SHROOM2: variants seen among roughly 807,000 people sequenced by gnomAD.
SHROOM2 encodes shroom family member 2.
In SHROOM2, 33 loss-of-function variants were observed where a neutral mutation model predicts 75.9. The ratio of observed to expected loss-of-function variants is 0.43; its 90% CI spans 0.33 to 0.58. The LOEUF (loss-of-function observed/expected upper bound fraction) is 0.58, where lower values mean the gene tolerates loss of function less well. Among genes scored for constraint, SHROOM2 ranks in the 20% least tolerant of loss-of-function variants. The pLI is 0.04. For missense variants in SHROOM2, 1,434 were observed against 1,461.2 expected, an observed-to-expected ratio of 0.98 and a Z score of 0.30; for synonymous variants, 655 against 663.6, an observed-to-expected ratio of 0.99 and a Z score of 0.20.
chrX:9,904,469 T>A (rs1163134101), intron 5 of SHROOM2, among the ~76,000 whole-genome samples: 2 of 112,028 alleles, frequency 1.8e-5, no homozygotes, highest in Non-Finnish European at 3.8e-5. Context: ...GACTTGCCTT[T>A]CCAGAAGAAT....
At chrX:9,878,834 C>T (rs2084216075) in intron 2 of SHROOM2, among the ~76,000 whole-genome samples, 1 of 108,753 alleles carries the variant, frequency 9.2e-6, no homozygotes, top group Non-Finnish European at 1.9e-5. Flanking sequence ...TGGAGGACGT[C>T]AGGTGAAACC....
Position 9,898,201 on chromosome X carries a change from C to T in SHROOM2, c.2802C>T (p.Val934=), listed in dbSNP as rs1384938317. ...STDHYKQEAS[V]ELRRQAGDPG... is the part of the protein sequence containing the mutation. ...GTTGCCCTTTGCAGGAAGCTTCTGT[C>T]GAACTGCGAAGGCAGGCAGGGGACC... Residue 934 remains valine (V), a synonymous_variant, in exon 5 of 10, where the codon GTC becomes GTT. Coordinates refer to ENST00000380913, the MANE Select transcript of SHROOM2 (RefSeq NM_001649.4). 7 of 1,182,534 alleles carry T rather than the reference C, an allele frequency of 5.9e-6. No homozygotes were observed. The highest frequency in any genetic ancestry group is 2.3e-4 in the Middle Eastern group (1 of 4,313).
intron 1 of SHROOM2, among the ~76,000 whole-genome samples, chrX:9,828,378 A>G (rs2083899140): frequency 8.9e-6 from 1 of 112,258 alleles, no homozygotes; most frequent in Non-Finnish European, 1.9e-5. Context: ...GCTTCTGATC[A>G]TAGGCTGGTG....
intron 6 of SHROOM2, among the ~76,000 whole-genome samples, chrX:9,936,724 G>C (rs945135533): frequency 8.9e-6 from 1 of 112,144 alleles, no homozygotes; most frequent in Middle Eastern, 4.6e-3. Context: ...GGACGGATGG[G>C]AATCCTGGAA....
In SHROOM2 at chrX:9,816,355, A is replaced by G. The variant is rs764206738; in HGVS notation, c.165+29645A>G. ...TGGGTGGCGCATCCCTGATGAATCAAAAGAATAGGATTGGTCATTTTGGCT... is the reference window on the plus strand; with the variant it reads ...TGGGTGGCGCATCCCTGATGAATCAGAAGAATAGGATTGGTCATTTTGGCT... On this transcript the variant is annotated intron_variant, in intron 1 of 9. Transcript: ENST00000380913. Among the ~76,000 whole-genome samples the G allele has an allele frequency of 1.2e-4, 13 of 112,509 alleles. No individual in the cohort carries two copies. The South Asian group carries it at 3.7e-3, about 32-fold the overall frequency.
intron 1 of SHROOM2, among the ~76,000 whole-genome samples, chrX:9,789,911 G>A (rs1019207529): frequency 8.9e-6 from 1 of 112,253 alleles, no homozygotes. Context: ...TTTTCGGGTT[G>A]CCATTGGGCA....
At chrX:9,930,382 G>A (rs979022861) in intron 5 of SHROOM2, among the ~76,000 whole-genome samples, 4 of 109,683 alleles carry the variant, frequency 3.6e-5, no homozygotes, top group Non-Finnish European at 5.7e-5. Flanking sequence ...GGGTGTGGTG[G>A]TGCACACCTG....
At chrX:9,792,060 A>G (rs1332809886) in intron 1 of SHROOM2, among the ~76,000 whole-genome samples, 1 of 4,085 alleles carries the variant, frequency 2.4e-4, no homozygotes, top group Admixed American at 5.1e-3. Context: ...AGAATAGAAT[A>G]GAATAGAATA....
At chrX:9,920,537 G>A (rs1245516807) in intron 5 of SHROOM2, among the ~76,000 whole-genome samples, 13 of 112,280 alleles carry the variant, frequency 1.2e-4, no homozygotes, top group Non-Finnish European at 2.4e-4. Context: ...CAACCCAGAT[G>A]CTTCTAAAAC....
intron 5 of SHROOM2, among the ~76,000 whole-genome samples, chrX:9,921,689 G>A (rs147950544): frequency 1.7e-3 from 188 of 112,062 alleles, no homozygotes; most frequent in African/African-American, 5.6e-3. Flanking sequence ...ACGTAAGTGG[G>A]ACCATGTAGC....
chrX:9,825,327 A>G (rs1569142888), intron 1 of SHROOM2, among the ~76,000 whole-genome samples: 1 of 112,268 alleles, frequency 8.9e-6, no homozygotes, highest in Non-Finnish European at 1.9e-5. Flanking sequence ...GGCCCTGTTT[A>G]CTATGTTGCT....
intron 2 of SHROOM2, among the ~76,000 whole-genome samples, chrX:9,877,205 G>C (rs2084205595): frequency 8.9e-6 from 1 of 111,939 alleles, no homozygotes; most frequent in African/African-American, 3.2e-5. Context: ...AGCGATGCGG[G>C]AGGAGACAGG....
intron 1 of SHROOM2, among the ~76,000 whole-genome samples, chrX:9,824,877 G>C (rs1044067209): frequency 1.8e-5 from 2 of 111,656 alleles, no homozygotes; most frequent in Non-Finnish European, 3.8e-5. Flanking sequence ...GGTAGGGAGA[G>C]AGGAATGTTC....
chrX:9,890,136 G>C lies in SHROOM2; in HGVS notation c.318-841G>C, dbSNP rs141941759. Among the ~76,000 whole-genome samples the C allele has an allele frequency of 4.5e-3, 507 of 112,562 alleles. 2 individuals carry two copies. The highest frequency in any genetic ancestry group is 0.033 in the Admixed American group (354 of 10,654). ...AATCCCAGTACTTTGGGAGGCCAAG[G>C]TGAGTGGATCACTTGAGGTCAGGAG... is the stretch of plus-strand genomic sequence containing the variant. On this transcript the variant is annotated intron_variant, in intron 2 of 9. Coordinates refer to ENST00000380913, the MANE Select transcript of SHROOM2 (RefSeq NM_001649.4).
chrX:9,822,161 A>T (rs1378543317), intron 1 of SHROOM2, among the ~76,000 whole-genome samples: 3 of 111,944 alleles, frequency 2.7e-5, no homozygotes, highest in Non-Finnish European at 5.6e-5. Context: ...GGCCTGGGAA[A>T]GAGTGTGTGT....
intron 5 of SHROOM2, 144 bp from the exon 6 acceptor site, chrX:9,932,031 G>A: frequency 2.2e-6 from 1 of 451,833 alleles, no homozygotes; most frequent in Non-Finnish European, 3.4e-6. Context: ...ATGAGGAGTT[G>A]CGGTGGCGAC....
chrX:9,899,996 G>A (rs1012005757), intron 5 of SHROOM2, among the ~76,000 whole-genome samples: 5 of 111,527 alleles, frequency 4.5e-5, no homozygotes, highest in Non-Finnish European at 9.4e-5. Flanking sequence ...GGAGGGGGTC[G>A]CCCTGAACAG....
chrX:9,836,596 CTT>C (rs35880687), intron 1 of SHROOM2, among the ~76,000 whole-genome samples: 2 of 99,699 alleles, frequency 2.0e-5, no homozygotes, highest in African/African-American at 7.5e-5. Flanking sequence ...GATTTTCTTT[CTT>C]TTTTTTTGTT....
intron 1 of SHROOM2, among the ~76,000 whole-genome samples, chrX:9,802,050 A>G (rs938313507): frequency 4.5e-5 from 5 of 111,082 alleles, no homozygotes; most frequent in South Asian, 3.8e-4. Context: ...TTGAAGGTAG[A>G]TGTGTGGTGC....
Sources: gnomAD v4.1 joint callset for allele counts (sites outside exome capture counted in the v4.1 genomes callset) on GRCh38, gnomAD v4.1.1 for gene constraint, MANE v1.5 for transcripts, NCBI Gene and HGNC (gene_info 2026-07-23, HGNC 2026-07-21) for gene names.